Variants in C1QTNF3 observed in about 807,000 individuals in gnomAD.
The protein encoded by C1QTNF3 is complement C1q tumor necrosis factor-related protein 3.
C1QTNF3 carries 26 observed loss-of-function variants against 32.6 expected under a neutral mutation model. The ratio of observed to expected loss-of-function variants is 0.80; its 90% CI spans 0.58 to 1.11. C1QTNF3 has a LOEUF of 1.11. Ranked by LOEUF, C1QTNF3 falls within the 50% of genes least tolerant of loss-of-function variation. The probability of loss-of-function intolerance (pLI) is 0.00; values close to 1 mark genes in which losing one functional copy is unlikely to be tolerated. For synonymous variants in C1QTNF3, 155 were observed against 146.0 expected (o/e 1.06, Z -0.44); for missense variants, 362 against 398.2 (o/e 0.91, Z 0.77).
At chr5:34,193,479 C>T in the C1QTNF3 span, 1 of 703,272 alleles carries the variant, frequency 1.4e-6, no homozygotes, top group Non-Finnish European at 2.6e-6. Flanking sequence ...CCTCTTCCCA[C>T]TCCGGGGACT....
chr5:34,145,678 C>CAAAAAAAAAA, the C1QTNF3 span, among the ~76,000 whole-genome samples: 5 of 96,900 alleles, frequency 5.2e-5, no homozygotes, highest in Non-Finnish European at 6.2e-5. Context: ...AGAGACACAG[C>CAAAAAAAAAA]AAAAAAAAAA....
intron 5 of C1QTNF3, among the ~76,000 whole-genome samples, chr5:34,021,285 C>G (rs1245054540): frequency 1.3e-5 from 2 of 152,158 alleles, no homozygotes; most frequent in East Asian, 3.9e-4. Context: ...AGCAGAAGAT[C>G]CATGTTACAC....
At chr5:34,061,973 C>A in the C1QTNF3 span, among the ~76,000 whole-genome samples, 1 of 152,312 alleles carries the variant, frequency 6.6e-6, no homozygotes, top group East Asian at 1.9e-4. Context: ...ATTTTCCAAA[C>A]TTTTATGCTC....
At chr5:34,074,615 C>T in the C1QTNF3 span, among the ~76,000 whole-genome samples, 11 of 151,804 alleles carry the variant, frequency 7.2e-5, no homozygotes, top group Admixed American at 3.3e-4. Flanking sequence ...CCCAAAATCA[C>T]GTAAAGCAAA....
the C1QTNF3 span, among the ~76,000 whole-genome samples, chr5:34,195,487 C>G: frequency 6.6e-6 from 1 of 151,540 alleles, no homozygotes; most frequent in South Asian, 2.1e-4. Flanking sequence ...TTTACATCAA[C>G]AAGTGTAATA....
At chr5:34,077,730 G>A in the C1QTNF3 span, among the ~76,000 whole-genome samples, 1 of 151,378 alleles carries the variant, frequency 6.6e-6, no homozygotes, top group African/African-American at 2.5e-5. Flanking sequence ...ACTGGGAGAG[G>A]CTGACTTGAA....
At chr5:34,128,325 G>A in the C1QTNF3 span, among the ~76,000 whole-genome samples, 2 of 152,212 alleles carry the variant, frequency 1.3e-5, no homozygotes, top group Non-Finnish European at 2.9e-5. Flanking sequence ...AGCTGTCGTG[G>A]AAACCTCTAT....
the C1QTNF3 span, among the ~76,000 whole-genome samples, chr5:34,057,033 T>C: frequency 6.6e-6 from 1 of 152,212 alleles, no homozygotes; most frequent in African/African-American, 2.4e-5. Context: ...GAACACTTAT[T>C]AATAATGTTC....
the C1QTNF3 span, among the ~76,000 whole-genome samples, chr5:34,104,784 GC>G: frequency 6.8e-6 from 1 of 147,166 alleles, no homozygotes; most frequent in South Asian, 2.2e-4. Context: ...TGATCTGCCA[GC>G]CTCTGCCTCC....
At chr5:34,232,309 T>C in the C1QTNF3 span, among the ~76,000 whole-genome samples, 3 of 152,174 alleles carry the variant, frequency 2.0e-5, no homozygotes, top group South Asian at 2.1e-4. Flanking sequence ...ACTTTGGACA[T>C]GGACTTTTGA....
chr5:34,176,080 A>T, the C1QTNF3 span: 3 of 568,646 alleles, frequency 5.3e-6, 1 homozygote, highest in South Asian at 6.6e-5. Context: ...TGACTGCAGG[A>T]CTCACTGATG....
the C1QTNF3 span, among the ~76,000 whole-genome samples, chr5:34,134,713 GCT>G: frequency 6.6e-6 from 1 of 151,980 alleles, no homozygotes; most frequent in Non-Finnish European, 1.5e-5. Flanking sequence ...TCATGATTTG[GCT>G]CTCTGTTTGT....
At chr5:34,083,310 G>A in the C1QTNF3 span, among the ~76,000 whole-genome samples, 13 of 151,694 alleles carry the variant, frequency 8.6e-5, no homozygotes, top group Admixed American at 5.9e-4. Context: ...ATTTAATCCT[G>A]CCATTTACAT....
At chr5:34,061,917 C>T in the C1QTNF3 span, among the ~76,000 whole-genome samples, 1 of 152,232 alleles carries the variant, frequency 6.6e-6, no homozygotes, top group Admixed American at 6.5e-5. Context: ...TTGGATTTCT[C>T]CTCAGAAAAT....
upstream of C1QTNF3, chr5:34,043,482 A>C (rs1193663217): frequency 4.4e-6 from 1 of 228,150 alleles, no homozygotes; most frequent in Non-Finnish European, 8.6e-6. Flanking sequence ...TGCTTTTGTG[A>C]TTAGACATGG....
the C1QTNF3 span, among the ~76,000 whole-genome samples, chr5:34,125,362 TTTAG>T: frequency 2.0e-5 from 3 of 151,990 alleles, no homozygotes; most frequent in Admixed American, 6.6e-5. Context: ...ACTTCTATTT[TTTAG>T]TATTTTAAAA....
the C1QTNF3 span, among the ~76,000 whole-genome samples, chr5:34,213,640 A>C: frequency 3.4e-5 from 5 of 148,702 alleles, no homozygotes; most frequent in African/African-American, 1.2e-4. Context: ...CTTTGGTTTA[A>C]ATGTGCAAAA....
the C1QTNF3 span, among the ~76,000 whole-genome samples, chr5:34,086,901 TG>T: frequency 6.6e-6 from 1 of 151,722 alleles, no homozygotes; most frequent in Non-Finnish European, 1.5e-5. Context: ...CTTCAGTTTT[TG>T]CATTTGTAAA....
At chr5:34,110,804 T>C in the C1QTNF3 span, among the ~76,000 whole-genome samples, 1 of 152,102 alleles carries the variant, frequency 6.6e-6, no homozygotes, top group Non-Finnish European at 1.5e-5. Flanking sequence ...TGCATGAATA[T>C]TAAAGAGATT....
Sources: gnomAD v4.1 joint callset for allele counts (sites outside exome capture counted in the v4.1 genomes callset) on GRCh38, gnomAD v4.1.1 for gene constraint, MANE v1.5 for transcripts, NCBI Gene and HGNC (gene_info 2026-07-23, HGNC 2026-07-21) for gene names.